EXT2: variants seen among roughly 807,000 people sequenced by gnomAD.
EXT2 encodes the protein exostosin-2.
EXT2 carries 53 observed loss-of-function variants against 81.6 expected under a neutral mutation model. The observed-to-expected ratio is 0.65, with a 90% CI of 0.52 to 0.82. The LOEUF is 0.82. Ranked by LOEUF, EXT2 falls within the 40% of genes least tolerant of loss-of-function variation. The pLI, the probability that EXT2 is intolerant of heterozygous loss-of-function variation, is 0.00. For synonymous variants in EXT2, 320 were observed against 340.0 expected, an observed-to-expected ratio of 0.94 and a Z score of 0.65; for missense variants, 774 against 910.2, an observed-to-expected ratio of 0.85 and a Z score of 1.93.
rs754808960 is a variant in EXT2, at chr11:44,108,143, C to T, written c.431C>T (p.Thr144Ile). ...GCCATCTCAGACAGTGACTACTACA[C>T]TGATGACATCAACCGGGCCTGTCTG... ...LMAISDSDYYTDDINRACLFV... is the reference protein window; with the variant it reads ...LMAISDSDYYIDDINRACLFV... Residue 144 changes from threonine to isoleucine, a missense_variant, in exon 2 of 14, where the codon ACT (threonine) becomes ATT (isoleucine). By Grantham distance (89) the Thr-to-Ile change is moderately conservative. Transcript: ENST00000533608. 2.5e-6 allele frequency: 4 copies of T among 1,614,206 alleles called. No individual in the cohort carries two copies. The highest frequency in any genetic ancestry group is 3.4e-6 in the Non-Finnish European group (4 of 1,180,044).
intron 7 of EXT2, among the ~76,000 whole-genome samples, chr11:44,166,568 G>A (rs943772893): frequency 6.6e-6 from 1 of 152,182 alleles, no homozygotes; most frequent in Non-Finnish European, 1.5e-5. Flanking sequence ...TAGTGGAGAT[G>A]ATATTAGTTA....
intron 7 of EXT2, among the ~76,000 whole-genome samples, chr11:44,151,141 A>G (rs928911427): frequency 1.3e-5 from 2 of 152,220 alleles, no homozygotes; most frequent in Non-Finnish European, 2.9e-5. Flanking sequence ...AAGAGTTCCC[A>G]TATATCCCCC....
chr11:44,217,040 G>T (rs1193681162), intron 10 of EXT2, among the ~76,000 whole-genome samples: 1 of 149,232 alleles, frequency 6.7e-6, no homozygotes, highest in Non-Finnish European at 1.5e-5. Context: ...GATGGGTGAG[G>T]ATTAGCTCTT....
chr11:44,140,787 A>G (rs1229730370), intron 7 of EXT2, among the ~76,000 whole-genome samples: 1 of 152,200 alleles, frequency 6.6e-6, no homozygotes, highest in Admixed American at 6.5e-5. Flanking sequence ...GCAAAATCCA[A>G]TGGGCATATA....
chr11:44,117,044 A>T (rs1466917302), intron 4 of EXT2, among the ~76,000 whole-genome samples: 1 of 147,066 alleles, frequency 6.8e-6, no homozygotes, highest in Non-Finnish European at 1.5e-5. Context: ...ATCTCGGCTC[A>T]CCAAAACCTC....
intron 8 of EXT2, among the ~76,000 whole-genome samples, chr11:44,197,311 G>A: frequency 6.6e-6 from 1 of 152,056 alleles, no homozygotes; most frequent in East Asian, 1.9e-4. Flanking sequence ...AGGTATCTGT[G>A]AGTTTCATTC....
At chr11:44,207,874 A>G (rs1397513753) in intron 10 of EXT2, among the ~76,000 whole-genome samples, 1 of 152,228 alleles carries the variant, frequency 6.6e-6, no homozygotes, top group South Asian at 2.1e-4. Flanking sequence ...CCCCGACACT[A>G]TCGCCACCAC....
At chr11:44,236,158 G>GGTGT (rs3832748) in intron 12 of EXT2, 135 bp from the exon 13 acceptor site, 40 of 709,890 alleles carry the variant, frequency 5.6e-5, no homozygotes, top group South Asian at 2.3e-4. Context: ...GGAATGGCGA[G>GGTGT]GTGTGTGTGT....
In EXT2 at chr11:44,171,760, C is replaced by T; in HGVS notation, c.1305+18C>T. On this transcript the variant is annotated intron_variant, in intron 8 of 13. Coordinates refer to ENST00000533608, the MANE Select transcript of EXT2 (RefSeq NM_207122.2). Reference sequence around the variant, plus strand: ...CTGCTGTGGTAAGTGAATTCCAGTGCTAGCCACATGAGGCATGGTCCAGCT... The same window carrying T: ...CTGCTGTGGTAAGTGAATTCCAGTGTTAGCCACATGAGGCATGGTCCAGCT... The T allele has an allele frequency of 6.2e-7, 1 of 1,613,640 alleles. No individual in the cohort carries two copies. Among genetic ancestry groups the T allele is most frequent in the Non-Finnish European group, 8.5e-7 (1 of 1,179,832 alleles).
chr11:44,202,814 G>A (rs189823879), intron 9 of EXT2, among the ~76,000 whole-genome samples: 3 of 152,322 alleles, frequency 2.0e-5, no homozygotes, highest in Non-Finnish European at 4.4e-5. Flanking sequence ...GGCTCAGAGT[G>A]TTTAACTTGT....
intron 6 of EXT2, 121 bp downstream of exon 6, chr11:44,127,076 A>C (rs1954418566): frequency 7.5e-7 from 1 of 1,329,218 alleles, no homozygotes; most frequent in Non-Finnish European, 1.1e-6. Flanking sequence ...GTTTTTCTCT[A>C]TTTTCCATTA....
At position 44,130,035 on chromosome 11, in the gene EXT2, T is replaced by A; in HGVS notation, c.1080-10T>A. ...TGTGTGTATGTAAACTGTTTTGCTG[T>A]TGTCTCCAGAGCATCTGTGGTTGTA... On this transcript the variant is annotated splice_polypyrimidine_tract_variant and intron_variant, in intron 6 of 13. Transcript: ENST00000533608. 6.2e-7 allele frequency: 1 copy of A among 1,610,754 alleles called. No homozygotes were observed. The highest frequency in any genetic ancestry group is 8.5e-7 in the Non-Finnish European group (1 of 1,176,866).
intron 7 of EXT2, among the ~76,000 whole-genome samples, chr11:44,141,539 G>T (rs957110174): frequency 6.6e-5 from 10 of 152,196 alleles, no homozygotes; most frequent in Admixed American, 6.5e-5. Context: ...ACAGTGAACT[G>T]GGTGTTATTG....
chr11:44,172,859 C>T, intron 8 of EXT2, among the ~76,000 whole-genome samples: 1 of 152,162 alleles, frequency 6.6e-6, no homozygotes, highest in East Asian at 1.9e-4. Context: ...CAGGCATGAG[C>T]CATTGTGCCA....
chr11:44,225,019 G>T (rs1290518501), intron 10 of EXT2, among the ~76,000 whole-genome samples: 1 of 152,138 alleles, frequency 6.6e-6, no homozygotes, highest in Non-Finnish European at 1.5e-5. Flanking sequence ...CCTGAGATTA[G>T]ACTTAGAAAT....
intron 6 of EXT2, among the ~76,000 whole-genome samples, chr11:44,129,178 T>C (rs1364773731): frequency 6.6e-6 from 1 of 152,200 alleles, no homozygotes; most frequent in African/African-American, 2.4e-5. Flanking sequence ...TGTTCTCCAG[T>C]TGTTCTCTCT....
rs150164332 is a variant in EXT2, at chr11:44,122,509, A to G, written c.744-2280A>G. On this transcript the variant is annotated intron_variant, in intron 4 of 13. Coordinates refer to ENST00000533608, the MANE Select transcript of EXT2 (RefSeq NM_207122.2). ...TGAAAATTAATACTTTTACAAAAGAAAAATGATTGAGGCTCAAGGCTTGGA... is the reference window on the plus strand; with the variant it reads ...TGAAAATTAATACTTTTACAAAAGAGAAATGATTGAGGCTCAAGGCTTGGA... Among the ~76,000 whole-genome samples the G allele has an allele frequency of 4.7e-3, 718 of 152,374 alleles. 5 individuals are homozygous for G. Among genetic ancestry groups the G allele is most frequent in the East Asian group, 0.03 (157 of 5,190 alleles).
chr11:44,238,644 G>A (rs1955998760), intron 13 of EXT2, among the ~76,000 whole-genome samples: 1 of 152,160 alleles, frequency 6.6e-6, no homozygotes, highest in Non-Finnish European at 1.5e-5. Flanking sequence ...CTGATCAGGT[G>A]AAAGAGAAGT....
chr11:44,235,214 C>T (rs1287296616), intron 12 of EXT2, among the ~76,000 whole-genome samples: 1 of 149,168 alleles, frequency 6.7e-6, no homozygotes, highest in Non-Finnish European at 1.5e-5. Flanking sequence ...CCCTTCCCAT[C>T]CCCAAATTTG....
Sources: allele counts gnomAD v4.1 joint callset (sites outside exome capture counted in the v4.1 genomes callset), GRCh38; gene constraint gnomAD v4.1.1; transcripts MANE v1.5; gene names NCBI Gene and HGNC (gene_info 2026-07-23, HGNC 2026-07-21).